MEF2C: variants seen among roughly 807,000 people sequenced by gnomAD.
The protein encoded by MEF2C is myocyte-specific enhancer factor 2C.
Under a neutral mutation model 50.5 loss-of-function variants are expected in MEF2C, and 6 were observed. That is an observed-to-expected ratio of 0.12 (90% CI 0.07 to 0.23). The LOEUF is 0.23. MEF2C is among the 10% of genes least tolerant of loss of function. The pLI, the probability that MEF2C is intolerant of heterozygous loss-of-function variation, is 1.00. For missense variants in MEF2C, 276 were observed against 605.0 expected (o/e 0.46, Z 5.70); for synonymous variants, 183 against 228.0 (o/e 0.80, Z 1.78).
At chr5:88,897,019 C>G (rs529121231) in intron 1 of MEF2C, among the ~76,000 whole-genome samples, 41 of 151,938 alleles carry the variant, frequency 2.7e-4, no homozygotes, top group Non-Finnish European at 5.3e-4. Flanking sequence ...ATTACATTTT[C>G]TGTTTCAGAA....
intron 2 of MEF2C, among the ~76,000 whole-genome samples, chr5:88,810,374 A>G (rs542499606): frequency 1.3e-5 from 2 of 152,272 alleles, no homozygotes; most frequent in East Asian, 3.9e-4. Flanking sequence ...AGAAAAATAT[A>G]CTTCAAAAAA....
At chr5:88,741,283 T>G in intron 6 of MEF2C, 12 of 985,222 alleles carry the variant, frequency 1.2e-5, no homozygotes, top group Non-Finnish European at 1.4e-5. Flanking sequence ...ATAGCTCACA[T>G]TTATTAACAA....
intron 6 of MEF2C, chr5:88,735,351 A>G (rs1763663273): frequency 2.2e-5 from 22 of 985,324 alleles, no homozygotes; most frequent in Non-Finnish European, 2.5e-5. Flanking sequence ...ACCTTTTTTC[A>G]TGCTATGTTT....
At chr5:88,845,413 C>A (rs1195792618) in intron 1 of MEF2C, among the ~76,000 whole-genome samples, 1 of 152,176 alleles carries the variant, frequency 6.6e-6, no homozygotes. Context: ...TACTTAAGTG[C>A]TTTTTAATAA....
chr5:88,888,008 T>C (rs527806027), upstream of MEF2C, among the ~76,000 whole-genome samples: 2 of 152,358 alleles, frequency 1.3e-5, no homozygotes, highest in East Asian at 1.9e-4. Context: ...ATCCATTATA[T>C]CCGAAGCTAA....
At chr5:88,816,002 C>A (rs1202804631) in intron 2 of MEF2C, among the ~76,000 whole-genome samples, 1 of 151,744 alleles carries the variant, frequency 6.6e-6, no homozygotes, top group Non-Finnish European at 1.5e-5. Context: ...ACTTTCTTCA[C>A]AAAATGAGAT....
intron 3 of MEF2C, chr5:88,772,383 T>A (rs1300565991): frequency 1.3e-5 from 2 of 152,234 alleles, no homozygotes; most frequent in Non-Finnish European, 1.5e-5. Context: ...GAATTTACGT[T>A]CAGTTGACAG....
chr5:88,787,799 T>C (rs1444947164), intron 3 of MEF2C, among the ~76,000 whole-genome samples: 1 of 152,218 alleles, frequency 6.6e-6, no homozygotes, highest in Non-Finnish European at 1.5e-5. Flanking sequence ...GCATGATCTT[T>C]TCTTTCCTGT....
chr5:88,753,637 C>A (rs761632645), intron 4 of MEF2C, among the ~76,000 whole-genome samples: 1 of 152,186 alleles, frequency 6.6e-6, no homozygotes, highest in Non-Finnish European at 1.5e-5. Flanking sequence ...GTGATCCGCC[C>A]ACCTCGGCCT....
chr5:88,752,899 G>T, intron 4 of MEF2C: 1 of 306,258 alleles, frequency 3.3e-6, no homozygotes, highest in Non-Finnish European at 4.8e-6. Context: ...TAAGCATTAC[G>T]AGTAAAAATA....
At position 88,752,040 on chromosome 5, in the gene MEF2C, C is replaced by G. The variant is rs1222185162; in HGVS notation, c.406G>C (p.Val136Leu). Residue 136 changes from valine to leucine, a missense_variant, in exon 5 of 11, where the codon GTT becomes CTT. Physicochemically the swap from Val to Leu is conservative, Grantham distance 32 (BLOSUM62 1). Coordinates refer to ENST00000504921, the MANE Select transcript of MEF2C (RefSeq NM_002397.5). ...GGCATCTCGAAGTTGGGAGGTGGAA[C>G]AGCCTGCAGGAACAGAAAACAAAAC... ...LMISRQRLCA[V>L]PPPNFEMPVS... 6.2e-7 allele frequency: 1 copy of G among 1,605,622 alleles called. No individual in the cohort carries two copies. Among genetic ancestry groups the G allele is most frequent in the Non-Finnish European group, 8.5e-7 (1 of 1,174,842 alleles).
chr5:88,855,831 C>T (rs537882107), intron 1 of MEF2C, among the ~76,000 whole-genome samples: 1 of 152,216 alleles, frequency 6.6e-6, no homozygotes, highest in African/African-American at 2.4e-5. Flanking sequence ...TATAAATTAC[C>T]CAGTCTCAGG....
chr5:88,799,849 TTC>T (rs1235744521), intron 3 of MEF2C, among the ~76,000 whole-genome samples: 2,910 of 119,116 alleles, frequency 0.024, 156 homozygotes, highest in Admixed American at 0.14. Context: ...GTCCCTTTCC[TTC>T]TCTCTCTCTC....
At chr5:88,843,409 A>C (rs1399721123) in intron 1 of MEF2C, 2 of 985,150 alleles carry the variant, frequency 2.0e-6, no homozygotes, top group East Asian at 1.1e-4. Context: ...TAAAAAAATC[A>C]ATCTATCTTT....
chr5:88,770,053 G>A (rs1159489900), intron 3 of MEF2C: 3 of 956,124 alleles, frequency 3.1e-6, no homozygotes, highest in Non-Finnish European at 3.7e-6. Flanking sequence ...TTTCTTAAAT[G>A]AGGAAGGAAA....
intron 1 of MEF2C, among the ~76,000 whole-genome samples, chr5:88,834,955 A>T (rs1231401887): frequency 6.6e-6 from 1 of 151,898 alleles, no homozygotes; most frequent in Non-Finnish European, 1.5e-5. Flanking sequence ...CTTCACTGAT[A>T]TTATATAATT....
rs972127468 is a variant in MEF2C at position 88,722,395 on chromosome 5, C to G, written c.*209G>C. On this transcript the variant is annotated 3_prime_UTR_variant, in exon 11 of 11. Transcript: ENST00000504921. ...TTTGTACAAGTGTTCTGTTGTACAA[C>G]TCAAGTGCTAAGCTTATCTCAGCAT... 1 of 532,886 alleles carries G rather than the reference C, an allele frequency of 1.9e-6. No individual in the cohort carries two copies. The highest frequency in any genetic ancestry group is 3.3e-6 in the Non-Finnish European group (1 of 301,942). The allele number at this position is 532,886 out of a possible 1,614,324, so 33.0% of individuals were successfully genotyped here. A position where few individuals can be genotyped will look rare whatever the true frequency, so the allele number is the denominator to read the frequency against.
chr5:88,739,683 A>T, intron 6 of MEF2C: 1 of 985,362 alleles, frequency 1.0e-6, no homozygotes, highest in Non-Finnish European at 1.2e-6. Context: ...ATATGCTAGG[A>T]ACTGTGAGTT....
chr5:88,734,579 T>TG (rs1763245300), intron 6 of MEF2C: 5 of 946,764 alleles, frequency 5.3e-6, no homozygotes, highest in Admixed American at 6.7e-5. Flanking sequence ...TTTTTTTTTT[T>TG]TTTTTTTTTT....
Sources: gnomAD v4.1 joint callset for allele counts (sites outside exome capture counted in the v4.1 genomes callset) on GRCh38, gnomAD v4.1.1 for gene constraint, MANE v1.5 for transcripts, NCBI Gene and HGNC (gene_info 2026-07-23, HGNC 2026-07-21) for gene names.